Variants in SEZ6 observed in about 807,000 individuals in gnomAD.
SEZ6 encodes seizure protein 6 homolog.
Under a neutral mutation model 101.0 loss-of-function variants are expected in SEZ6, and 53 were observed. The observed-to-expected ratio is 0.52, with a 90% CI of 0.42 to 0.66. The LOEUF (loss-of-function observed/expected upper bound fraction) is 0.66. Ranked by LOEUF, SEZ6 falls within the 30% of genes least tolerant of loss-of-function variation. The pLI, the probability that SEZ6 is intolerant of heterozygous loss-of-function variation, is 0.00. For synonymous variants in SEZ6, 488 were observed against 512.2 expected, an observed-to-expected ratio of 0.95 and a Z score of 0.64; for missense variants, 1,102 against 1,289.4, an observed-to-expected ratio of 0.85 and a Z score of 2.23.
rs541771325 is a variant in SEZ6 at position 28,983,947 on chromosome 17, GGGA to G, written c.56-1911_56-1909del. Among the ~76,000 whole-genome samples the G allele has an allele frequency of 1.2e-3, 178 of 152,274 alleles. 2 individuals are homozygous for G. The highest frequency in any genetic ancestry group is 3.7e-3 in the African/African-American group (155 of 41,554). ...AGCAGCTCTGATGTGTCAGACAAAT[GGGA>G]GGAGGGAGGAAATTGGGTGGGGGAG... On this transcript the variant is annotated intron_variant, in intron 1 of 16. Coordinates refer to ENST00000317338, the MANE Select transcript of SEZ6 (RefSeq NM_178860.5).
chr17:28,960,325 A>G (rs2040955354), intron 7 of SEZ6, 180 bp downstream of exon 7: 4 of 773,858 alleles, frequency 5.2e-6, no homozygotes, highest in East Asian at 2.7e-5. Flanking sequence ...AAGCTGTGGT[A>G]GGGATCCCGG....
At chr17:28,986,780 A>T (rs912590368) in intron 1 of SEZ6, among the ~76,000 whole-genome samples, 1 of 152,152 alleles carries the variant, frequency 6.6e-6, no homozygotes, top group African/African-American at 2.4e-5. Flanking sequence ...GGGGCTGCCC[A>T]CTCAAGCCTC....
chr17:28,970,622 C>T (rs181962149), intron 3 of SEZ6, among the ~76,000 whole-genome samples: 6 of 152,288 alleles, frequency 3.9e-5, no homozygotes, highest in Non-Finnish European at 7.3e-5. Flanking sequence ...AGCTTATCGC[C>T]GTTACTGTGC....
At chr17:28,960,409 A>G (rs1413556899) in intron 7 of SEZ6, 96 bp downstream of exon 7, 19 of 1,475,718 alleles carry the variant, frequency 1.3e-5, no homozygotes. Context: ...GAGTGACAGC[A>G]TGGAGGCAGA....
intron 3 of SEZ6, among the ~76,000 whole-genome samples, chr17:28,978,478 T>C (rs893470674): frequency 1.2e-4 from 19 of 152,332 alleles, no homozygotes; most frequent in African/African-American, 4.6e-4. Flanking sequence ...TTTGGGGATC[T>C]GAGGGAATTC....
At position 28,958,095 on chromosome 17, in the gene SEZ6, A is replaced by C; in HGVS notation, c.2154T>G (p.Asn718Lys). The change falls in exon 11 of 17, where the codon AAT (asparagine) becomes AAG (lysine). Residue 718 changes from asparagine (N) to lysine (K), a missense_variant. Around this residue, in one of 3 missense-constraint regions of SEZ6, gnomAD observed 556 missense variants for 735.1 expected, o/e 0.76. Transcript: ENST00000317338. ...DTCPELPEIP[N>K]GWKSPSQPEL... is the part of the protein sequence containing the mutation. Reference sequence around the variant, plus strand: ...CAGGCTGCGATGGGCTCTTCCAGCCATTGGGGATCTCAGGCAGCTCCGGAC... The same window carrying C: ...CAGGCTGCGATGGGCTCTTCCAGCCCTTGGGGATCTCAGGCAGCTCCGGAC... 6.2e-7 allele frequency: 1 copy of C among 1,607,238 alleles called. No homozygotes were observed. The highest frequency in any genetic ancestry group is 8.5e-7 in the Non-Finnish European group (1 of 1,174,316).
At chr17:28,960,139 A>T in intron 7 of SEZ6, 1 of 589,122 alleles carries the variant, frequency 1.7e-6, no homozygotes, top group African/African-American at 1.9e-5. Context: ...AGTACACAGA[A>T]GGTACTCCAT....
chr17:28,995,772 C>G (rs1264898084), intron 1 of SEZ6, among the ~76,000 whole-genome samples: 3 of 152,118 alleles, frequency 2.0e-5, no homozygotes, highest in Non-Finnish European at 1.5e-5. Flanking sequence ...GTGGTGGGAC[C>G]CAGGGTGAAG....
chr17:29,005,778 C>T lies in SEZ6; in HGVS notation c.55+37G>A. ...CTTCCCACCCCTGGGGCCCCGCTCC[C>T]GCCCCCGTCCTGCCGCCGGATGCCG... On this transcript the variant is annotated intron_variant, in intron 1 of 16. Coordinates refer to ENST00000317338, the MANE Select transcript of SEZ6 (RefSeq NM_178860.5). The surrounding 1 kb of genome is among the most constrained non-coding windows in gnomAD (Gnocchi z 4.8). The T allele has an allele frequency of 1.4e-6, 2 of 1,474,962 alleles. No homozygotes were observed. Among genetic ancestry groups the T allele is most frequent in the South Asian group, 1.2e-5 (1 of 80,118 alleles). 91.4% of individuals were successfully genotyped at this position (1,474,962 alleles called of 1,614,324 possible).
Position 28,957,380 on chromosome 17 carries a change from G to A in SEZ6, c.2462C>T (p.Pro821Leu). The A allele has an allele frequency of 7.4e-6, 12 of 1,613,882 alleles. No individual in the cohort carries two copies. Among genetic ancestry groups the A allele is most frequent in the Non-Finnish European group, 1.0e-5 (12 of 1,179,816 alleles). ...TTTAGGGGCCCGGTCACTCCACTTG[G>A]GGCTGCCAGCCTGGCGATCATGGCA... ...LTCHDRQAGS[P>L]KWSDRAPKCL... Residue 821 changes from proline to leucine, a missense_variant, in exon 12 of 17, where the codon CCC (proline) becomes CTC (leucine). By Grantham distance (98) the Pro-to-Leu change is moderately conservative. Transcript: ENST00000317338.
chr17:28,986,049 C>T (rs2020366), intron 1 of SEZ6, among the ~76,000 whole-genome samples: 1 of 152,242 alleles, frequency 6.6e-6, no homozygotes, highest in African/African-American at 2.4e-5. Flanking sequence ...CCAGGAACTT[C>T]CCAGCGCCTG....
chr17:28,997,212 C>A lies in SEZ6; in HGVS notation c.55+8603G>T, dbSNP rs192972624. On this transcript the variant is annotated intron_variant, in intron 1 of 16. Coordinates refer to ENST00000317338, the MANE Select transcript of SEZ6 (RefSeq NM_178860.5). The stretch of plus-strand genomic sequence containing the variant: ...CTAGAGAAGTAAATGCATGGATGAC[C>A]ACTCTCGTGCATGCGTTGTTTGATC... 2.1e-3 allele frequency among the ~76,000 whole-genome samples: 317 copies of A among 152,212 alleles called. 1 individual carries two copies. Among genetic ancestry groups the A allele is most frequent in the Middle Eastern group, 0.014 (4 of 294 alleles).
rs770307601 is a variant in SEZ6, at chr17:28,960,799, C to G, written c.1409+6G>C. ...GCACTCCCATTCCACTAGGACAGCC[C>G]CTCACCTGTCATCATCCTCTGCCAG... On this transcript the variant is annotated splice_donor_region_variant and intron_variant, in intron 6 of 16. Transcript: ENST00000317338. 3 of 1,613,670 alleles carry G rather than the reference C, an allele frequency of 1.9e-6. No individual in the cohort carries two copies. Among genetic ancestry groups the G allele is most frequent in the Non-Finnish European group, 2.5e-6 (3 of 1,179,794 alleles).
chr17:28,988,052 A>G (rs2041406461), intron 1 of SEZ6, among the ~76,000 whole-genome samples: 1 of 152,116 alleles, frequency 6.6e-6, no homozygotes, highest in Non-Finnish European at 1.5e-5. Context: ...TGTGCCCTGG[A>G]GGGGCAGTTG....
intron 1 of SEZ6, among the ~76,000 whole-genome samples, chr17:29,004,288 C>A (rs1186810164): frequency 6.6e-6 from 1 of 152,208 alleles, no homozygotes; most frequent in Non-Finnish European, 1.5e-5. Flanking sequence ...CGCCAGGACC[C>A]ATCAGGACCC....
chr17:29,003,353 G>A (rs1437141156), intron 1 of SEZ6, among the ~76,000 whole-genome samples: 1 of 152,176 alleles, frequency 6.6e-6, no homozygotes, highest in Non-Finnish European at 1.5e-5. Flanking sequence ...AGGGAATAGG[G>A]GACTGAGCCT....
chr17:29,000,291 T>A (rs2041598637), intron 1 of SEZ6, among the ~76,000 whole-genome samples: 1 of 152,228 alleles, frequency 6.6e-6, no homozygotes, highest in South Asian at 2.1e-4. Context: ...GGGCAGACAC[T>A]TTGGAGTAGC....
intron 1 of SEZ6, among the ~76,000 whole-genome samples, chr17:28,999,621 A>C (rs1479640411): frequency 6.6e-6 from 1 of 152,154 alleles, no homozygotes; most frequent in African/African-American, 2.4e-5. Flanking sequence ...TGCAGCATCC[A>C]TCCTCCCCCC....
chr17:28,960,169 T>G lies in SEZ6; in HGVS notation c.1577-277A>C, dbSNP rs1161019005. 4.7e-5 allele frequency: 27 copies of G among 572,830 alleles called. No individual in the cohort carries two copies. The East Asian group carries it at 6.8e-4, about 14-fold the overall frequency. 35.5% of individuals were successfully genotyped at this position (572,830 alleles called of 1,614,324 possible). A position where few individuals can be genotyped will look rare whatever the true frequency, so the allele number is the denominator to read the frequency against. On this transcript the variant is annotated intron_variant, in intron 7 of 16. Coordinates refer to ENST00000317338, the MANE Select transcript of SEZ6 (RefSeq NM_178860.5). ...CTCCATACATGTTTTTTGAATGAATTAATCAATGCATGCATGCATAAATGG... is the reference window on the plus strand; with the variant it reads ...CTCCATACATGTTTTTTGAATGAATGAATCAATGCATGCATGCATAAATGG...
Sources: allele counts gnomAD v4.1 joint callset (sites outside exome capture counted in the v4.1 genomes callset), GRCh38; gene constraint gnomAD v4.1.1; regional missense constraint gnomAD v4.1.1; non-coding constraint Gnocchi (gnomAD v3.1); transcripts MANE v1.5; gene names NCBI Gene and HGNC (gene_info 2026-07-23, HGNC 2026-07-21).